EYS: variants seen among roughly 807,000 people sequenced by gnomAD.
EYS encodes the protein protein eyes shut homolog.
A neutral mutation model predicts 282.1 loss-of-function variants in EYS; 250 were observed. The ratio of observed to expected loss-of-function variants is 0.89; its 90% CI spans 0.80 to 0.98. EYS has a LOEUF of 0.98. EYS is among the 50% of genes least tolerant of loss of function. The pLI, the probability that EYS is intolerant of heterozygous loss-of-function variation, is 0.00. For missense variants in EYS, 4,016 were observed against 3,709.0 expected, an observed-to-expected ratio of 1.08 and a Z score of -2.15; for synonymous variants, 1,355 against 1,282.9, an observed-to-expected ratio of 1.06 and a Z score of -1.20.
intron 26 of EYS, 73 bp downstream of exon 26, chr6:64,590,150 G>T (rs976939049): frequency 4.5e-6 from 6 of 1,329,392 alleles, no homozygotes; most frequent in Admixed American, 2.8e-5. Context: ...CGGTGACCAT[G>T]ACAGGCTCTT....
At chr6:64,661,542 A>C (rs1769020377) in intron 22 of EYS, among the ~76,000 whole-genome samples, 1 of 152,142 alleles carries the variant, frequency 6.6e-6, no homozygotes, top group African/African-American at 2.4e-5. Flanking sequence ...AATTGACAAG[A>C]AAAAAACAAC....
chr6:65,142,248 TG>T (rs1426157276), intron 12 of EYS, among the ~76,000 whole-genome samples: 1 of 151,978 alleles, frequency 6.6e-6, no homozygotes, highest in East Asian at 1.9e-4. Flanking sequence ...CTCTTTAGTT[TG>T]AAGCAAAAGC....
chr6:64,594,814 C>T (rs1232037241), intron 24 of EYS, among the ~76,000 whole-genome samples: 1 of 151,570 alleles, frequency 6.6e-6, no homozygotes, highest in African/African-American at 2.4e-5. Flanking sequence ...ACATTGTGCA[C>T]ATGTACCCTA....
At chr6:65,399,137 C>T (rs1766399360) in intron 7 of EYS, among the ~76,000 whole-genome samples, 1 of 152,014 alleles carries the variant, frequency 6.6e-6, no homozygotes, top group African/African-American at 2.4e-5. Flanking sequence ...TACACCTACA[C>T]TCTATTTAAT....
chr6:64,670,845 T>A (rs1341893688), intron 22 of EYS, among the ~76,000 whole-genome samples: 1 of 152,042 alleles, frequency 6.6e-6, no homozygotes, highest in African/African-American at 2.4e-5. Context: ...CTCCTTCAGG[T>A]ATATTAAGGA....
intron 29 of EYS, among the ~76,000 whole-genome samples, chr6:64,367,125 CT>C (rs1176908945): frequency 1.3e-5 from 2 of 152,042 alleles, no homozygotes; most frequent in African/African-American, 4.8e-5. Context: ...AAAGGTTTAA[CT>C]TTTTTGAAAC....
chr6:65,092,567 T>C (rs1774605027), intron 12 of EYS, among the ~76,000 whole-genome samples: 1 of 152,198 alleles, frequency 6.6e-6, no homozygotes, highest in African/African-American at 2.4e-5. Context: ...TCTTATCTTC[T>C]GATAACTGTT....
chr6:64,993,835 T>C (rs1375278556), intron 14 of EYS, among the ~76,000 whole-genome samples: 1 of 151,184 alleles, frequency 6.6e-6, no homozygotes, highest in Non-Finnish European at 1.5e-5. Context: ...AAATTCAGTT[T>C]GTTTTTGCAT....
chr6:64,136,964 T>C (rs1345550804), intron 31 of EYS, among the ~76,000 whole-genome samples: 1 of 152,184 alleles, frequency 6.6e-6, no homozygotes, highest in Non-Finnish European at 1.5e-5. Flanking sequence ...GCTATGAAAT[T>C]CCTAGATGGC....
chr6:64,509,503 C>A (rs1449221193), intron 26 of EYS, among the ~76,000 whole-genome samples: 1 of 152,112 alleles, frequency 6.6e-6, no homozygotes, highest in East Asian at 1.9e-4. Context: ...TTTGTGAGAA[C>A]AAACTTCAAA....
At chr6:64,378,985 A>G (rs1772656377) in intron 29 of EYS, among the ~76,000 whole-genome samples, 1 of 152,182 alleles carries the variant, frequency 6.6e-6, no homozygotes, top group Admixed American at 6.5e-5. Context: ...TCTGTCTTCG[A>G]AGGAGCAGTG....
At chr6:64,277,207 T>A (rs1279527166) in intron 30 of EYS, among the ~76,000 whole-genome samples, 3 of 152,132 alleles carry the variant, frequency 2.0e-5, no homozygotes, top group Non-Finnish European at 4.4e-5. Flanking sequence ...CAAATAAAAA[T>A]AATGTGATTT....
chr6:63,833,040 T>A (rs1433045706), intron 36 of EYS, among the ~76,000 whole-genome samples: 1 of 152,126 alleles, frequency 6.6e-6, no homozygotes, highest in African/African-American at 2.4e-5. Context: ...AAACTCTCAA[T>A]AAACTAGGTA....
chr6:64,120,183 TAA>T (rs879344072), intron 31 of EYS, among the ~76,000 whole-genome samples: 5 of 136,458 alleles, frequency 3.7e-5, no homozygotes, highest in Non-Finnish European at 6.2e-5. Context: ...CTGTCTCTAC[TAA>T]AAAAAAAAAA....
At chr6:65,238,856 GTAACA>G (rs1210486307) in intron 12 of EYS, among the ~76,000 whole-genome samples, 1 of 129,666 alleles carries the variant, frequency 7.7e-6, no homozygotes, top group Non-Finnish European at 1.6e-5. Context: ...CCAAATTTTG[GTAACA>G]TAACTGAAGA....
At chr6:64,263,661 T>C (rs542831026) in intron 30 of EYS, among the ~76,000 whole-genome samples, 1 of 152,252 alleles carries the variant, frequency 6.6e-6, no homozygotes, top group East Asian at 1.9e-4. Flanking sequence ...ATGGCTATAA[T>C]AAGTATTCCT....
At chr6:64,456,870 A>G (rs966548581) in intron 26 of EYS, among the ~76,000 whole-genome samples, 6 of 152,054 alleles carry the variant, frequency 3.9e-5, no homozygotes, top group African/African-American at 1.2e-4. Flanking sequence ...AATTTTACTT[A>G]TAAGAATAAT....
intron 2 of EYS, among the ~76,000 whole-genome samples, chr6:65,511,224 G>T (rs1715967867): frequency 6.6e-6 from 1 of 152,080 alleles, no homozygotes; most frequent in Non-Finnish European, 1.5e-5. Context: ...CCCACTAATG[G>T]TATATGCTTT....
At chr6:64,631,643 T>C (rs1381506325) in intron 22 of EYS, 1 of 152,142 alleles carries the variant, frequency 6.6e-6, no homozygotes, top group Non-Finnish European at 1.5e-5. Flanking sequence ...GGGAGTTTTA[T>C]AGATTTTACC....
Sources: gnomAD v4.1 joint callset for allele counts (sites outside exome capture counted in the v4.1 genomes callset) on GRCh38, gnomAD v4.1.1 for gene constraint, MANE v1.5 for transcripts, NCBI Gene and HGNC (gene_info 2026-07-23, HGNC 2026-07-21) for gene names.